C12orf54: variants seen among roughly 807,000 people sequenced by gnomAD.
C12orf54 encodes the protein chromosome 12 open reading frame 54, also known as uncharacterized protein C12orf54.
Under a neutral mutation model 26.4 loss-of-function variants are expected in C12orf54, and 24 were observed. The observed-to-expected ratio is 0.91, with a 90% CI of 0.66 to 1.28. The LOEUF is 1.28. C12orf54 is among the 50% of genes most tolerant of loss of function. The pLI is 0.00. For synonymous variants in C12orf54, 54 were observed against 47.0 expected (o/e 1.15, Z -0.61); for missense variants, 154 against 150.9 (o/e 1.02, Z -0.11).
At chr12:48,446,191 C>T in the C12orf54 span, among the ~76,000 whole-genome samples, 66 of 152,182 alleles carry the variant, frequency 4.3e-4, no homozygotes, top group Non-Finnish European at 6.6e-4. Flanking sequence ...ACTGTCTGAT[C>T]TTGTGAGCTG....
At chr12:48,477,016 T>A in the C12orf54 span, among the ~76,000 whole-genome samples, 40 of 152,236 alleles carry the variant, frequency 2.6e-4, no homozygotes, top group African/African-American at 9.4e-4. Flanking sequence ...CCTCAGCAAA[T>A]GTAAAAGAAC....
At chr12:48,471,348 G>C in the C12orf54 span, among the ~76,000 whole-genome samples, 1 of 152,146 alleles carries the variant, frequency 6.6e-6, no homozygotes, top group Non-Finnish European at 1.5e-5. Context: ...TCCATCTGCT[G>C]ATGGACATTT....
chr12:48,494,661 C>A, intron 7 of C12orf54, 137 bp from the exon 8 acceptor site: 1 of 932,122 alleles, frequency 1.1e-6, no homozygotes, highest in African/African-American at 1.6e-5. Flanking sequence ...CAGGAAATTG[C>A]AACTCCCAGA....
the C12orf54 span, among the ~76,000 whole-genome samples, chr12:48,430,124 C>T: frequency 6.6e-6 from 1 of 152,004 alleles, no homozygotes; most frequent in Non-Finnish European, 1.5e-5. Context: ...AAACTGGATC[C>T]TCATCTCTTG....
At chr12:48,472,437 G>C in the C12orf54 span, among the ~76,000 whole-genome samples, 5 of 152,160 alleles carry the variant, frequency 3.3e-5, no homozygotes, top group East Asian at 5.8e-4. Context: ...ATGTAAAATA[G>C]AAAAATAGAG....
intron 2 of C12orf54, among the ~76,000 whole-genome samples, 168 bp from the exon 3 acceptor site, chr12:48,486,010 C>A (rs1329711373): frequency 6.6e-6 from 1 of 152,180 alleles, no homozygotes; most frequent in Non-Finnish European, 1.5e-5. Context: ...TATCTCTCCC[C>A]ACACCTCCCA....
the C12orf54 span, among the ~76,000 whole-genome samples, chr12:48,460,914 A>G: frequency 6.6e-6 from 1 of 152,068 alleles, no homozygotes; most frequent in Non-Finnish European, 1.5e-5. Context: ...AAAGAGTGAA[A>G]TGAGAGTGAA....
chr12:48,439,912 A>T, the C12orf54 span, among the ~76,000 whole-genome samples: 1 of 152,144 alleles, frequency 6.6e-6, no homozygotes, highest in African/African-American at 2.4e-5. Flanking sequence ...ATAAAATAAA[A>T]AAATAAAAAA....
At chr12:48,487,970 G>A in intron 4 of C12orf54, 2 of 751,358 alleles carry the variant, frequency 2.7e-6, no homozygotes, top group South Asian at 1.5e-5. Context: ...GAAGAACTGG[G>A]TTGCCATTTA....
At chr12:48,488,200 C>T in intron 4 of C12orf54, 1 of 705,710 alleles carries the variant, frequency 1.4e-6, no homozygotes, top group South Asian at 1.4e-5. Context: ...CTTCATTGGC[C>T]CCTGGAGTCT....
the C12orf54 span, among the ~76,000 whole-genome samples, chr12:48,444,258 A>G: frequency 2.0e-5 from 3 of 152,192 alleles, no homozygotes; most frequent in African/African-American, 7.2e-5. Flanking sequence ...CTCTAGCTAG[A>G]GCAACCTGGA....
the C12orf54 span, among the ~76,000 whole-genome samples, chr12:48,434,000 T>A: frequency 6.6e-6 from 1 of 152,134 alleles, no homozygotes; most frequent in Admixed American, 6.5e-5. Flanking sequence ...GGTCAGGGAA[T>A]TCCCTTTCCT....
chr12:48,491,486 G>A (rs544567200), intron 6 of C12orf54, among the ~76,000 whole-genome samples: 1 of 152,316 alleles, frequency 6.6e-6, no homozygotes, highest in South Asian at 2.1e-4. Context: ...ACGTGGACAG[G>A]GATGGAAGAC....
chr12:48,484,722 G>A (rs1446693625), intron 2 of C12orf54, among the ~76,000 whole-genome samples: 1 of 152,242 alleles, frequency 6.6e-6, no homozygotes, highest in African/African-American at 2.4e-5. Context: ...ATAGTTAGCT[G>A]AGAAGAGCTG....
the C12orf54 span, among the ~76,000 whole-genome samples, chr12:48,452,145 C>G: frequency 6.6e-6 from 1 of 152,108 alleles, no homozygotes; most frequent in Admixed American, 6.6e-5. Flanking sequence ...ACACATAAAT[C>G]AATGGAACAG....
At chr12:48,477,364 A>G in the C12orf54 span, among the ~76,000 whole-genome samples, 1 of 152,192 alleles carries the variant, frequency 6.6e-6, no homozygotes, top group African/African-American at 2.4e-5. Flanking sequence ...AACACATTCA[A>G]AAGCTAGCAG....
At chr12:48,469,398 G>T in the C12orf54 span, among the ~76,000 whole-genome samples, 3 of 152,304 alleles carry the variant, frequency 2.0e-5, no homozygotes, top group Admixed American at 2.0e-4. Context: ...TGAAAGAAGA[G>T]AAATATGACT....
chr12:48,449,310 C>A, the C12orf54 span, among the ~76,000 whole-genome samples: 1 of 152,164 alleles, frequency 6.6e-6, no homozygotes, highest in African/African-American at 2.4e-5. Context: ...CAAATTTTCC[C>A]CCACAAAGGA....
chr12:48,429,347 G>A, the C12orf54 span, among the ~76,000 whole-genome samples: 1 of 152,026 alleles, frequency 6.6e-6, no homozygotes, highest in Non-Finnish European at 1.5e-5. Context: ...GAAATAAAGG[G>A]CATCCAAATC....
Sources: gnomAD v4.1 joint callset for allele counts (sites outside exome capture counted in the v4.1 genomes callset) on GRCh38, gnomAD v4.1.1 for gene constraint, MANE v1.5 for transcripts, NCBI Gene and HGNC (gene_info 2026-07-23, HGNC 2026-07-21) for gene names.